DCC: variants seen among roughly 807,000 people sequenced by gnomAD.
The protein encoded by DCC is DCC netrin 1 receptor.
Under a neutral mutation model 172.5 loss-of-function variants are expected in DCC, and 58 were observed. The observed-to-expected ratio is 0.34, with a 90% CI of 0.27 to 0.42. The LOEUF (loss-of-function observed/expected upper bound fraction) is 0.42. Ranked by LOEUF, DCC falls within the 10% of genes least tolerant of loss-of-function variation. The pLI, the probability that DCC is intolerant of heterozygous loss-of-function variation, is 1.00. For synonymous variants in DCC, 709 were observed against 644.5 expected (o/e 1.10, Z -1.52); for missense variants, 1,740 against 1,791.0 (o/e 0.97, Z 0.51).
chr18:52,894,169 A>G (rs115466238), intron 2 of DCC, among the ~76,000 whole-genome samples: 444 of 152,224 alleles, frequency 2.9e-3, no homozygotes, highest in African/African-American at 9.7e-3. Flanking sequence ...TGATTTCCCA[A>G]TAGGCATCAC....
At chr18:52,645,167 T>C (rs2144911217) in intron 1 of DCC, among the ~76,000 whole-genome samples, 1 of 152,270 alleles carries the variant, frequency 6.6e-6, no homozygotes, top group Admixed American at 6.5e-5. Flanking sequence ...TGATCAGCTT[T>C]TGAGTAAGAT....
chr18:52,648,710 G>C (rs1373118562), intron 1 of DCC, among the ~76,000 whole-genome samples: 1 of 152,134 alleles, frequency 6.6e-6, no homozygotes, highest in Non-Finnish European at 1.5e-5. Context: ...TTGAGGGAAA[G>C]GGGATGAGAA....
chr18:53,299,971 G>GT (rs2057113136), intron 12 of DCC, among the ~76,000 whole-genome samples: 1 of 152,168 alleles, frequency 6.6e-6, no homozygotes, highest in African/African-American at 2.4e-5. Context: ...CAGGTCTAAA[G>GT]TAAGTGCAAA....
intron 12 of DCC, among the ~76,000 whole-genome samples, chr18:53,281,872 T>C (rs2144729755): frequency 6.6e-6 from 1 of 152,134 alleles, no homozygotes; most frequent in Non-Finnish European, 1.5e-5. Flanking sequence ...ATCCGATTAT[T>C]ACACAAAGAT....
intron 1 of DCC, among the ~76,000 whole-genome samples, chr18:52,606,627 A>C (rs2144827994): frequency 6.6e-6 from 1 of 152,266 alleles, no homozygotes; most frequent in Admixed American, 6.5e-5. Context: ...TAGTTGTAGT[A>C]AAGATTTTAA....
intron 5 of DCC, among the ~76,000 whole-genome samples, chr18:53,010,514 A>G (rs1247373348): frequency 6.6e-6 from 1 of 151,636 alleles, no homozygotes; most frequent in African/African-American, 2.4e-5. Flanking sequence ...TTCAAAGTAG[A>G]ATATATAAGA....
rs1911983000 is a variant in DCC at position 53,437,009 on chromosome 18, A to G, written c.3229+1800A>G. On this transcript the variant is annotated intron_variant, in intron 22 of 28. Transcript: ENST00000442544. ...TCCCGTTTATGAGGCCACCACTCTCATGACCTAATTATCTCCCAAAGCCTC... is the reference window on the plus strand; with the variant it reads ...TCCCGTTTATGAGGCCACCACTCTCGTGACCTAATTATCTCCCAAAGCCTC... Among the ~76,000 whole-genome samples the G allele has an allele frequency of 2.0e-5, 3 of 151,104 alleles. No homozygotes were observed. The South Asian group carries it at 6.4e-4, about 32-fold the overall frequency.
intron 5 of DCC, among the ~76,000 whole-genome samples, chr18:53,020,102 A>G (rs1208205146): frequency 6.6e-6 from 1 of 152,154 alleles, no homozygotes; most frequent in Non-Finnish European, 1.5e-5. Flanking sequence ...ACCCAGCCCC[A>G]GGTCAATTTC....
At chr18:52,874,136 C>A (rs1239983689) in intron 2 of DCC, among the ~76,000 whole-genome samples, 1 of 152,092 alleles carries the variant, frequency 6.6e-6, no homozygotes, top group Non-Finnish European at 1.5e-5. Flanking sequence ...AAAACACTTA[C>A]CCTAAACTTA....
chr18:52,438,899 G>A (rs1049990550), intron 1 of DCC, among the ~76,000 whole-genome samples: 3 of 152,094 alleles, frequency 2.0e-5, no homozygotes, highest in African/African-American at 2.4e-5. Context: ...AGAATTGAAG[G>A]GACCAGCAAT....
rs73955756 is a variant in DCC at position 52,630,775 on chromosome 18, G to A, written c.92-121279G>A. Reference sequence around the variant, plus strand: ...ATCAGAAGATGATGATATTGCAAGAGGTTACACTTAAACATTACTCCTTTG... The same window carrying A: ...ATCAGAAGATGATGATATTGCAAGAAGTTACACTTAAACATTACTCCTTTG... On this transcript the variant is annotated intron_variant, in intron 1 of 28. Coordinates refer to ENST00000442544, the MANE Select transcript of DCC (RefSeq NM_005215.4). Among the ~76,000 whole-genome samples the A allele has an allele frequency of 9.5e-3, 1,450 of 152,256 alleles. 17 individuals carry two copies. Among genetic ancestry groups the A allele is most frequent in the African/African-American group, 0.033 (1,377 of 41,522 alleles).
At chr18:52,884,764 A>G (rs1211051679) in intron 2 of DCC, among the ~76,000 whole-genome samples, 2 of 152,162 alleles carry the variant, frequency 1.3e-5, no homozygotes, top group African/African-American at 2.4e-5. Flanking sequence ...ACAGATGTTC[A>G]TCAATATCTG....
At chr18:53,252,255 A>C (rs2056445366) in intron 12 of DCC, among the ~76,000 whole-genome samples, 1 of 151,908 alleles carries the variant, frequency 6.6e-6, no homozygotes, top group African/African-American at 2.4e-5. Context: ...GCTCATTTAC[A>C]TACTGCATAG....
intron 16 of DCC, among the ~76,000 whole-genome samples, chr18:53,388,683 A>G (rs1454348927): frequency 2.6e-5 from 4 of 152,240 alleles, no homozygotes; most frequent in Non-Finnish European, 5.9e-5. Flanking sequence ...GAAGATGAAA[A>G]GAAGAAGACT....
chr18:52,381,799 C>T (rs1323802782), intron 1 of DCC, among the ~76,000 whole-genome samples: 1 of 152,128 alleles, frequency 6.6e-6, no homozygotes, highest in East Asian at 1.9e-4. Context: ...GGAGCTGCTG[C>T]TAATTATTGA....
intron 1 of DCC, among the ~76,000 whole-genome samples, chr18:52,694,766 T>A (rs1355378398): frequency 6.6e-6 from 1 of 152,096 alleles, no homozygotes; most frequent in African/African-American, 2.4e-5. Flanking sequence ...GCCTGCCTAA[T>A]GGCATATGAC....
In DCC at chr18:53,533,580, A is replaced by G. The variant is rs552869406; in HGVS notation, c.*2927A>G. 15 of 152,302 alleles carry G rather than the reference A, an allele frequency of 9.8e-5. No individual in the cohort carries two copies. The highest frequency in any genetic ancestry group is 3.1e-4 in the African/African-American group (13 of 41,564). The allele number at this position is 152,302 out of a possible 1,614,324, so 9.4% of individuals were successfully genotyped here. ...ATTTGTGAAACTTATAAAAATTTAG[A>G]TAGTTCAAATGTATAAAGAATATTT... On this transcript the variant is annotated 3_prime_UTR_variant, in exon 29 of 29. Transcript: ENST00000442544.
chr18:52,690,604 A>G (rs1358036111), intron 1 of DCC, among the ~76,000 whole-genome samples: 1 of 152,190 alleles, frequency 6.6e-6, no homozygotes, highest in South Asian at 2.1e-4. Context: ...GATCCACACA[A>G]GAACCAAAGG....
Position 52,489,749 on chromosome 18 carries a change from C to T in DCC, c.91+148871C>T, listed in dbSNP as rs2030410117. Among the ~76,000 whole-genome samples, 3 of 152,234 alleles carry T rather than the reference C, an allele frequency of 2.0e-5. No homozygotes were observed. The Middle Eastern group carries it at 0.01, about 518-fold the overall frequency. On this transcript the variant is annotated intron_variant, in intron 1 of 28. Coordinates refer to ENST00000442544, the MANE Select transcript of DCC (RefSeq NM_005215.4). ...CAGATTTGCCTATCACTGTCCTAGA[C>T]AGGACTCACAGAACATAGAAGCTTC...
Sources: gnomAD v4.1 joint callset for allele counts (sites outside exome capture counted in the v4.1 genomes callset) on GRCh38, gnomAD v4.1.1 for gene constraint, MANE v1.5 for transcripts, NCBI Gene and HGNC (gene_info 2026-07-23, HGNC 2026-07-21) for gene names.